DPP6: variants seen among roughly 807,000 people sequenced by gnomAD.
The protein encoded by DPP6 is dipeptidyl peptidase like 6, also known as A-type potassium channel modulatory protein DPP6.
In DPP6, 69 loss-of-function variants were observed where a neutral mutation model predicts 122.6. The ratio of observed to expected loss-of-function variants is 0.56; its 90% CI spans 0.46 to 0.69. The LOEUF is 0.69. DPP6 is among the 30% of genes least tolerant of loss of function. The pLI, the probability that DPP6 is intolerant of heterozygous loss-of-function variation, is 0.00. For synonymous variants in DPP6, 418 were observed against 433.1 expected (o/e 0.97, Z 0.43); for missense variants, 928 against 1,116.9 (o/e 0.83, Z 2.41).
chr7:154,694,824 G>T (rs928397436), intron 7 of DPP6, among the ~76,000 whole-genome samples: 2 of 152,112 alleles, frequency 1.3e-5, no homozygotes, highest in Non-Finnish European at 2.9e-5. Context: ...GACAGTCCCG[G>T]GTAAGCGGGA....
At chr7:154,368,058 G>A (rs12703347) in intron 1 of DPP6, among the ~76,000 whole-genome samples, 13,312 of 152,090 alleles carry the variant, frequency 0.088, 701 homozygotes, top group African/African-American at 0.14. Context: ...CACCTGCCTC[G>A]GCTTCCCAAA....
chr7:154,520,510 T>C (rs1826886197), intron 3 of DPP6, among the ~76,000 whole-genome samples: 1 of 152,236 alleles, frequency 6.6e-6, no homozygotes, highest in South Asian at 2.1e-4. Context: ...TGGACCAAGC[T>C]CTTTCCAACA....
chr7:153,991,529 C>T (rs1367500092), intron 1 of DPP6, among the ~76,000 whole-genome samples: 1 of 152,152 alleles, frequency 6.6e-6, no homozygotes, highest in Non-Finnish European at 1.5e-5. Context: ...TGATTTTCTA[C>T]AGCAGGGATA....
intron 18 of DPP6, among the ~76,000 whole-genome samples, chr7:154,870,522 C>T (rs1468829154): frequency 6.6e-6 from 1 of 152,170 alleles, no homozygotes; most frequent in East Asian, 1.9e-4. Flanking sequence ...ACGAGAATCA[C>T]TTGAACCTAG....
rs150372233 is a variant in DPP6 at position 154,168,183 on chromosome 7, G to T, written c.243+115120G>T. On this transcript the variant is annotated intron_variant, in intron 1 of 25. Transcript: ENST00000377770. Reference sequence around the variant, plus strand: ...GGAGTCAACAGAAAAGCAGATCCATGTCTGAAGACCATGACACCTTAGAAG... The same window carrying T: ...GGAGTCAACAGAAAAGCAGATCCATTTCTGAAGACCATGACACCTTAGAAG... 4.6e-3 allele frequency among the ~76,000 whole-genome samples: 702 copies of T among 152,288 alleles called. 7 individuals are homozygous for T. The highest frequency in any genetic ancestry group is 0.016 in the African/African-American group (660 of 41,548).
intron 4 of DPP6, among the ~76,000 whole-genome samples, chr7:154,553,320 C>T (rs996406474): frequency 2.6e-5 from 4 of 152,090 alleles, no homozygotes; most frequent in East Asian, 1.9e-4. Context: ...TGGGGTTTTT[C>T]GAGACTTGCT....
chr7:154,862,701 CAT>C (rs1453391322), intron 17 of DPP6, among the ~76,000 whole-genome samples: 9 of 152,322 alleles, frequency 5.9e-5, no homozygotes, highest in South Asian at 4.1e-4. Flanking sequence ...AGGACACACA[CAT>C]GAGTCCCCTC....
intron 7 of DPP6, among the ~76,000 whole-genome samples, chr7:154,693,401 TATTA>T (rs1181684888): frequency 6.6e-6 from 1 of 152,232 alleles, no homozygotes; most frequent in Admixed American, 6.5e-5. Flanking sequence ...AATTTTCCTT[TATTA>T]ATTAACATTT....
intron 1 of DPP6, among the ~76,000 whole-genome samples, chr7:154,335,433 C>G (rs1809326336): frequency 6.6e-6 from 1 of 152,162 alleles, no homozygotes; most frequent in African/African-American, 2.4e-5. Flanking sequence ...TATAAATGAC[C>G]ATTAATATGA....
At chr7:153,965,703 G>A (rs1397356922) in intron 1 of DPP6, among the ~76,000 whole-genome samples, 3 of 151,822 alleles carry the variant, frequency 2.0e-5, no homozygotes, top group Admixed American at 1.3e-4. Context: ...TAGTAAAAAC[G>A]GGGTTTCACC....
At chr7:154,794,277 G>A in intron 11 of DPP6, 75 bp downstream of exon 11, 1 of 1,479,198 alleles carries the variant, frequency 6.8e-7, no homozygotes, top group South Asian at 1.4e-5. Context: ...TGGCGCCAGA[G>A]TCGTCTCAGC....
chr7:154,808,092 C>A (rs1274951079), intron 16 of DPP6, among the ~76,000 whole-genome samples: 1 of 152,192 alleles, frequency 6.6e-6, no homozygotes, highest in Non-Finnish European at 1.5e-5. Context: ...CCTGCGATGA[C>A]CTCAAAGAAT....
chr7:154,777,126 T>C (rs965435591), intron 10 of DPP6, among the ~76,000 whole-genome samples: 2 of 152,232 alleles, frequency 1.3e-5, no homozygotes, highest in Admixed American at 6.5e-5. Context: ...TCATCATCCA[T>C]GTGGCATGTG....
rs187043058 is a variant in DPP6, at chr7:154,794,237, T to A, written c.1260+35T>A. Reference sequence around the variant, plus strand: ...GCTGTGGGGGTGGAGGGGAGACGGGTGAAGAACCGATGGTCAGACGCGCCC... The same window carrying A: ...GCTGTGGGGGTGGAGGGGAGACGGGAGAAGAACCGATGGTCAGACGCGCCC... On this transcript the variant is annotated intron_variant, in intron 11 of 25. Coordinates refer to ENST00000377770, the MANE Select transcript of DPP6 (RefSeq NM_130797.4). 7,900 of 1,559,528 alleles carry A rather than the reference T, an allele frequency of 5.1e-3. 41 individuals are homozygous for A. Among genetic ancestry groups the A allele is most frequent in the Middle Eastern group, 8.3e-3 (48 of 5,792 alleles).
chr7:154,559,956 A>AT (rs1830313737), intron 4 of DPP6, among the ~76,000 whole-genome samples: 4 of 122,976 alleles, frequency 3.3e-5, no homozygotes, highest in Non-Finnish European at 6.8e-5. Flanking sequence ...AGATATATAT[A>AT]AGATATATAT....
At chr7:153,960,702 T>TGTGTGTGC (rs1563050985) in intron 1 of DPP6, among the ~76,000 whole-genome samples, 4 of 124,930 alleles carry the variant, frequency 3.2e-5, no homozygotes, top group African/African-American at 1.2e-4. Context: ...CATGTGTGTG[T>TGTGTGTGC]GAATGTGTGT....
intron 1 of DPP6, among the ~76,000 whole-genome samples, chr7:154,102,472 A>G (rs567402580): frequency 6.6e-6 from 1 of 152,304 alleles, no homozygotes; most frequent in South Asian, 2.1e-4. Context: ...TACAGGCATG[A>G]GCCACTGTGC....
chr7:154,489,536 G>T (rs1169185964), intron 3 of DPP6, among the ~76,000 whole-genome samples: 1 of 152,164 alleles, frequency 6.6e-6, no homozygotes, highest in East Asian at 1.9e-4. Context: ...ATATTGTGAT[G>T]CTGAGCAGGT....
At chr7:154,484,252 G>A (rs1480029080) in intron 3 of DPP6, among the ~76,000 whole-genome samples, 2 of 152,144 alleles carry the variant, frequency 1.3e-5, no homozygotes, top group Non-Finnish European at 2.9e-5. Context: ...CCGCATCTGT[G>A]ACCAACAGAA....
Sources: gnomAD v4.1 joint callset for allele counts (sites outside exome capture counted in the v4.1 genomes callset) on GRCh38, gnomAD v4.1.1 for gene constraint, MANE v1.5 for transcripts, NCBI Gene and HGNC (gene_info 2026-07-23, HGNC 2026-07-21) for gene names.